Variants in SATL1 observed in about 807,000 individuals in gnomAD.
SATL1 encodes the protein spermidine/spermine N(1)-acetyltransferase-like protein 1.
In SATL1, 47 loss-of-function variants were observed where a neutral mutation model predicts 51.8. The ratio of observed to expected loss-of-function variants is 0.91; its 90% CI spans 0.72 to 1.16. SATL1 has a LOEUF of 1.16. Among genes scored for constraint, SATL1 ranks in the 50% most tolerant of loss-of-function variants. SATL1 has a pLI of 0.00. For synonymous variants in SATL1, 176 were observed against 182.4 expected (o/e 0.97, Z 0.28); for missense variants, 520 against 526.4 (o/e 0.99, Z 0.12).
intron 6 of SATL1, among the ~76,000 whole-genome samples, chrX:85,093,636 A>G (rs929702707): frequency 2.7e-5 from 3 of 112,431 alleles, no homozygotes; most frequent in African/African-American, 9.7e-5. Flanking sequence ...TGGGAGGCCA[A>G]GGCAGGAGGA....
intron 2 of SATL1, among the ~76,000 whole-genome samples, chrX:85,190,102 A>T (rs1392349491): frequency 1.8e-5 from 2 of 112,185 alleles, no homozygotes; most frequent in African/African-American, 6.5e-5. Flanking sequence ...CATTTGACCC[A>T]TACTGCCTAC....
intron 2 of SATL1, among the ~76,000 whole-genome samples, chrX:85,114,872 C>T (rs193226172): frequency 1.8e-5 from 2 of 112,063 alleles, no homozygotes. Flanking sequence ...ACTTTTATAA[C>T]CCTTTACAAT....
rs137916429 is a variant in SATL1, at chrX:85,103,880, C to T, written c.1677G>A (p.Met559Ile). The change falls in exon 4 of 8, where the codon ATG (methionine) becomes ATA (isoleucine). Residue 559 changes from methionine to isoleucine, a missense_variant. By Grantham distance (10) the Met-to-Ile change is conservative. This residue lies in a region of SATL1 where 488 missense variants were observed against 474.3 expected (regional missense o/e 1.03). Transcript: ENST00000644105. ...LAACENMLDAMELTAADLLRD... is the reference protein window; with the variant it reads ...LAACENMLDAIELTAADLLRD... Reference sequence around the variant, plus strand: ...ACACCTTACCAGCTGCTGTTAACTCCATTGCATCTAGCATGTTTTCACAGG... The same window carrying T: ...ACACCTTACCAGCTGCTGTTAACTCTATTGCATCTAGCATGTTTTCACAGG... 8.0e-5 allele frequency: 95 copies of T among 1,194,341 alleles called. No homozygotes were observed. In the African/African-American group the frequency reaches 1.4e-3, roughly 18 times the overall value.
intron 2 of SATL1, among the ~76,000 whole-genome samples, chrX:85,159,369 G>C (rs1363420960): frequency 8.9e-6 from 1 of 111,820 alleles, no homozygotes; most frequent in African/African-American, 3.3e-5. Context: ...TCTCAGATTA[G>C]TGGCAGCATT....
chrX:85,114,552 C>T, intron 2 of SATL1, among the ~76,000 whole-genome samples: 1 of 111,863 alleles, frequency 8.9e-6, no homozygotes, highest in Non-Finnish European at 1.9e-5. Flanking sequence ...AACAAGACAA[C>T]AATTGTCTGT....
intron 2 of SATL1, among the ~76,000 whole-genome samples, chrX:85,159,695 G>C (rs912806791): frequency 9.0e-6 from 1 of 110,970 alleles, no homozygotes; most frequent in Non-Finnish European, 1.9e-5. Context: ...TAGCCCTCAT[G>C]GTAACACCAC....
At chrX:85,092,618 A>G (rs1924559154) in intron 7 of SATL1, 57 bp from the exon 8 acceptor site, 8 of 1,055,174 alleles carry the variant, frequency 7.6e-6, no homozygotes, top group Admixed American at 2.4e-5. Flanking sequence ...ATCTTCGTTA[A>G]CACATATATT....
rs938840003 is a variant in SATL1 at position 85,121,458 on chromosome X, T to C, written c.-312-12178A>G. 2.9e-5 allele frequency among the ~76,000 whole-genome samples: 3 copies of C among 104,168 alleles called. No individual in the cohort carries two copies. In the South Asian group the frequency reaches 1.2e-3, roughly 41 times the overall value. 90.5% of individuals were successfully genotyped at this position (104,168 alleles called of 115,157 possible). A position where few individuals can be genotyped will look rare whatever the true frequency, so the allele number is the denominator to read the frequency against. On this transcript the variant is annotated intron_variant, in intron 2 of 7. Coordinates refer to ENST00000644105, the MANE Select transcript of SATL1 (RefSeq NM_001367857.2). ...AGTATATAGTATATATATAAATATA[T>C]ATGCTATATTTATATAGTATATCTA...
chrX:85,149,042 C>G (rs1399553818), intron 2 of SATL1, among the ~76,000 whole-genome samples: 2 of 111,481 alleles, frequency 1.8e-5, no homozygotes, highest in African/African-American at 6.5e-5. Flanking sequence ...AGAGTCAAGA[C>G]CCATCAGTGT....
At position 85,146,865 on chromosome X, in the gene SATL1, C is replaced by T. The variant is rs191017503; in HGVS notation, c.-312-37585G>A. 8.0e-5 allele frequency among the ~76,000 whole-genome samples: 9 copies of T among 112,655 alleles called. No individual in the cohort carries two copies. The East Asian group carries it at 2.5e-3, about 32-fold the overall frequency. ...CCAAGATGGCCGAATAGGAACAACTCCGGTCTACAGCTCCCAGCATGAGTG... is the reference window on the plus strand; with the variant it reads ...CCAAGATGGCCGAATAGGAACAACTTCGGTCTACAGCTCCCAGCATGAGTG... On this transcript the variant is annotated intron_variant, in intron 2 of 7. Coordinates refer to ENST00000644105, the MANE Select transcript of SATL1 (RefSeq NM_001367857.2).
intron 2 of SATL1, among the ~76,000 whole-genome samples, chrX:85,110,992 A>G (rs776483160): frequency 9.0e-6 from 1 of 111,694 alleles, no homozygotes; most frequent in African/African-American, 3.2e-5. Flanking sequence ...GTAACTTGAC[A>G]TAGGTCACAC....
At chrX:85,187,078 C>G in intron 2 of SATL1, among the ~76,000 whole-genome samples, 1 of 111,677 alleles carries the variant, frequency 9.0e-6, no homozygotes, top group East Asian at 2.8e-4. Flanking sequence ...TTGATTTATT[C>G]CTAAATATTT....
Position 85,140,570 on chromosome X carries a change from G to A in SATL1, c.-312-31290C>T, listed in dbSNP as rs1015878664. 2.7e-5 allele frequency among the ~76,000 whole-genome samples: 3 copies of A among 111,956 alleles called. No homozygotes were observed. In the South Asian group the frequency reaches 1.1e-3, roughly 41 times the overall value. ...ATGGACTCTTGTTATTATAAGATTA[G>A]TTTTAATGAATTATTTAAATACACT... On this transcript the variant is annotated intron_variant, in intron 2 of 7. Transcript: ENST00000644105.
intron 4 of SATL1, among the ~76,000 whole-genome samples, chrX:85,100,209 G>A (rs763906567): frequency 2.7e-4 from 17 of 62,407 alleles, no homozygotes; most frequent in Non-Finnish European, 4.7e-4. Context: ...AAAACAAAAC[G>A]AAACAAAAAA....
At chrX:85,216,507 T>C (rs1388138734) in intron 2 of SATL1, among the ~76,000 whole-genome samples, 3 of 111,363 alleles carry the variant, frequency 2.7e-5, no homozygotes, top group African/African-American at 9.8e-5. Context: ...CTTGCAACTA[T>C]AGAACTTCAT....
chrX:85,093,082 G>T, intron 7 of SATL1, 103 bp downstream of exon 7: 1 of 787,304 alleles, frequency 1.3e-6, no homozygotes, highest in Non-Finnish European at 1.8e-6. Context: ...TATATGTTGG[G>T]GTTATGTTCA....
At chrX:85,154,362 G>T (rs1021393293) in intron 2 of SATL1, among the ~76,000 whole-genome samples, 2 of 111,575 alleles carry the variant, frequency 1.8e-5, no homozygotes, top group Admixed American at 9.6e-5. Context: ...GCTCTAATCT[G>T]AATCTGTCTT....
chrX:85,136,570 T>C (rs1925960624), intron 2 of SATL1, among the ~76,000 whole-genome samples: 1 of 112,019 alleles, frequency 8.9e-6, no homozygotes, highest in Admixed American at 9.5e-5. Context: ...CTGCAAATGT[T>C]CACAGAAGAT....
rs890582487 is a variant in SATL1, at chrX:85,109,126, G to C, written c.-158C>G. 2.0e-6 allele frequency: 1 copy of C among 503,772 alleles called. No homozygotes were observed. The highest frequency in any genetic ancestry group is 3.2e-6 in the Non-Finnish European group (1 of 311,354). 41.5% of individuals were successfully genotyped at this position (503,772 alleles called of 1,213,427 possible). A position where few individuals can be genotyped will look rare whatever the true frequency, so the allele number is the denominator to read the frequency against. On this transcript the variant is annotated 5_prime_UTR_variant, in exon 3 of 8. Coordinates refer to ENST00000644105, the MANE Select transcript of SATL1 (RefSeq NM_001367857.2). ...TTCCCAGTTCTTCTCAATTTGATTC[G>C]CCCACTTTGAGATACCCCTCTATCA...
Sources: allele counts gnomAD v4.1 joint callset (sites outside exome capture counted in the v4.1 genomes callset), GRCh38; gene constraint gnomAD v4.1.1; regional missense constraint gnomAD v4.1.1; transcripts MANE v1.5; gene names NCBI Gene and HGNC (gene_info 2026-07-23, HGNC 2026-07-21).